Variants in VPS8 observed in about 807,000 individuals in gnomAD.
VPS8 encodes the protein VPS8 subunit of CORVET complex.
In VPS8, 129 loss-of-function variants were observed where a neutral mutation model predicts 216.4. That is an observed-to-expected ratio of 0.60 (90% confidence interval 0.52 to 0.69). The LOEUF (loss-of-function observed/expected upper bound fraction) is 0.69, where lower values mean the gene tolerates loss of function less well. Ranked by LOEUF, VPS8 falls within the 30% of genes least tolerant of loss-of-function variation. VPS8 has a pLI of 0.00. For missense variants in VPS8, 1,531 were observed against 1,683.5 expected (o/e 0.91, Z 1.59); for synonymous variants, 571 against 565.4 (o/e 1.01, Z -0.14).
chr3:184,923,127 A>G (rs143854273), intron 29 of VPS8, among the ~76,000 whole-genome samples: 1 of 151,658 alleles, frequency 6.6e-6, no homozygotes, highest in East Asian at 1.9e-4. Flanking sequence ...AATGGGAGAA[A>G]CCTGGTACTT....
At chr3:184,944,086 G>A (rs913577836) in intron 36 of VPS8, among the ~76,000 whole-genome samples, 1 of 152,100 alleles carries the variant, frequency 6.6e-6, no homozygotes, top group African/African-American at 2.4e-5. Context: ...CAAGTATCAA[G>A]TTGTTTTTGA....
chr3:185,003,034 C>G (rs112449182), intron 45 of VPS8, among the ~76,000 whole-genome samples: 1 of 152,138 alleles, frequency 6.6e-6, no homozygotes, highest in South Asian at 2.1e-4. Context: ...TACTGTTTTC[C>G]ATAATAGTTG....
intron 3 of VPS8, among the ~76,000 whole-genome samples, chr3:184,827,911 G>C (rs920151390): frequency 1.3e-5 from 2 of 152,106 alleles, no homozygotes; most frequent in Non-Finnish European, 2.9e-5. Context: ...CAGGCAAGTC[G>C]TAAGTGGAAG....
chr3:184,936,097 G>T, intron 34 of VPS8, 149 bp from the exon 35 acceptor site: 1 of 532,168 alleles, frequency 1.9e-6, no homozygotes, highest in Non-Finnish European at 3.3e-6. Context: ...TGCAAAGTGC[G>T]CTTTAAATTG....
intron 46 of VPS8, among the ~76,000 whole-genome samples, chr3:185,032,203 G>T (rs933044545): frequency 6.6e-6 from 1 of 152,042 alleles, no homozygotes; most frequent in Non-Finnish European, 1.5e-5. Context: ...CTGATGTAGT[G>T]AATGATTTTA....
chr3:184,971,541 C>T, intron 39 of VPS8, 108 bp from the exon 40 acceptor site: 1 of 661,256 alleles, frequency 1.5e-6, no homozygotes, highest in Non-Finnish European at 2.5e-6. Flanking sequence ...TTATTATATA[C>T]TAGAAAATGA....
intron 21 of VPS8, among the ~76,000 whole-genome samples, chr3:184,877,128 T>A (rs1447226955): frequency 6.6e-6 from 1 of 152,214 alleles, no homozygotes; most frequent in Non-Finnish European, 1.5e-5. Context: ...TCTCTCTGCA[T>A]AAAAAATCCT....
intron 21 of VPS8, among the ~76,000 whole-genome samples, chr3:184,872,641 C>A (rs1273518194): frequency 6.6e-6 from 1 of 152,006 alleles, no homozygotes; most frequent in Admixed American, 6.6e-5. Context: ...GGGACTATTT[C>A]TCTGGATTTA....
intron 21 of VPS8, among the ~76,000 whole-genome samples, chr3:184,883,726 T>C (rs1730675222): frequency 6.6e-6 from 1 of 152,170 alleles, no homozygotes; most frequent in South Asian, 2.1e-4. Context: ...AATGTATGAA[T>C]CTGATGATTT....
At chr3:184,849,789 T>C in intron 9 of VPS8, 147 bp from the exon 10 acceptor site, 1 of 657,452 alleles carries the variant, frequency 1.5e-6, no homozygotes, top group South Asian at 1.8e-5. Context: ...TTAATGGATC[T>C]GCAACCTTTA....
At chr3:184,950,327 G>T (rs1421327621) in intron 36 of VPS8, among the ~76,000 whole-genome samples, 4 of 138,412 alleles carry the variant, frequency 2.9e-5, no homozygotes, top group Admixed American at 7.9e-5. Flanking sequence ...CACATCTAAG[G>T]ACTGGATATA....
At chr3:184,922,378 TG>T in intron 29 of VPS8, 2 of 451,008 alleles carry the variant, frequency 4.4e-6, no homozygotes, top group Non-Finnish European at 8.9e-6. Flanking sequence ...GTAGAGACTG[TG>T]AGGATTATTC....
At chr3:184,998,486 T>C (rs1337109047) in intron 44 of VPS8, among the ~76,000 whole-genome samples, 3 of 362 alleles carry the variant, frequency 8.3e-3, no homozygotes, top group African/African-American at 0.014. Flanking sequence ...AGTTTATATA[T>C]ATATATATAT....
chr3:184,976,144 A>G (rs1036161031), intron 40 of VPS8, among the ~76,000 whole-genome samples: 2 of 152,140 alleles, frequency 1.3e-5, no homozygotes, highest in South Asian at 2.1e-4. Flanking sequence ...TGCCATGCCA[A>G]TAATGAAATT....
chr3:185,020,379 T>A (rs1016933566), intron 45 of VPS8, among the ~76,000 whole-genome samples: 3 of 152,194 alleles, frequency 2.0e-5, no homozygotes, highest in African/African-American at 7.2e-5. Flanking sequence ...GTGATTGGAT[T>A]GTGCTTTTTA....
intron 16 of VPS8, among the ~76,000 whole-genome samples, chr3:184,865,043 C>T (rs373475344): frequency 1.8e-4 from 28 of 152,034 alleles, no homozygotes; most frequent in Admixed American, 5.9e-4. Flanking sequence ...TGAAAAAATG[C>T]GCTAGATGGG....
At chr3:184,939,794 C>T (rs947126238) in intron 35 of VPS8, among the ~76,000 whole-genome samples, 2 of 152,170 alleles carry the variant, frequency 1.3e-5, no homozygotes, top group East Asian at 1.9e-4. Context: ...AACTATCTCA[C>T]AGCAACCCAT....
At chr3:184,982,531 C>A (rs2109754705) in intron 40 of VPS8, 35 bp from the exon 41 acceptor site, 1 of 1,518,928 alleles carries the variant, frequency 6.6e-7, no homozygotes, top group Non-Finnish European at 9.0e-7. Flanking sequence ...TCTTTGACCA[C>A]TTTTCTTTTT....
intron 7 of VPS8, 146 bp downstream of exon 7, chr3:184,839,898 G>C (rs1721803818): frequency 4.3e-6 from 6 of 1,405,362 alleles, no homozygotes; most frequent in Non-Finnish European, 4.6e-6. Context: ...TATTTTTATA[G>C]CTAAAAATTA....
Sources: gnomAD v4.1 joint callset for allele counts (sites outside exome capture counted in the v4.1 genomes callset) on GRCh38, gnomAD v4.1.1 for gene constraint, MANE v1.5 for transcripts, NCBI Gene and HGNC (gene_info 2026-07-23, HGNC 2026-07-21) for gene names.